CES5A: variants seen among roughly 807,000 people sequenced by gnomAD.
The protein encoded by CES5A is carboxylesterase 5.
Under a neutral mutation model 62.9 loss-of-function variants are expected in CES5A, and 67 were observed. The observed-to-expected ratio is 1.07, with a 90% CI of 0.88 to 1.31. The LOEUF (loss-of-function observed/expected upper bound fraction) is 1.31, where lower values mean the gene tolerates loss of function less well. CES5A is among the 50% of genes most tolerant of loss of function. CES5A has a pLI of 0.00. For synonymous variants in CES5A, 296 were observed against 280.8 expected, an observed-to-expected ratio of 1.05 and a Z score of -0.54; for missense variants, 748 against 708.5, an observed-to-expected ratio of 1.06 and a Z score of -0.63.
chr16:55,896,370 T>C (rs2033934379), intron 1 of CES5A, among the ~76,000 whole-genome samples: 1 of 152,156 alleles, frequency 6.6e-6, no homozygotes, highest in Admixed American at 6.6e-5. Flanking sequence ...ATATCATTTC[T>C]CTCTTGCTTC....
At position 55,888,187 on chromosome 16, in the gene CES5A, C is replaced by T. The variant is rs902890072; in HGVS notation, c.-255-14150G>A. Among the ~76,000 whole-genome samples the T allele has an allele frequency of 9.9e-5, 15 of 152,178 alleles. No homozygotes were observed. The South Asian group carries it at 3.1e-3, about 32-fold the overall frequency. On this transcript the variant is annotated intron_variant, in intron 1 of 12. Transcript: ENST00000518005. ...TATCTCTGGTGTTCCACATCTCGTC[C>T]TCTCTGCCCACCACTGATTTCAGCT...
intron 1 of CES5A, among the ~76,000 whole-genome samples, chr16:55,892,643 A>G (rs2033892410): frequency 6.6e-6 from 1 of 152,104 alleles, no homozygotes; most frequent in South Asian, 2.1e-4. Flanking sequence ...ATAAGTGCTT[A>G]TAAGAGCACT....
rs1174642455 is a variant in CES5A, at chr16:55,856,415, TG to T, written c.1086del (p.Asn363ThrfsTer8). On this transcript the variant is annotated frameshift_variant, in exon 9 of 13. Transcript: ENST00000290567. LOFTEE classifies it high-confidence loss of function. ...MKEAPEILSGSNKSLALHLIQ... is the reference protein window; with the variant it reads ...MKEAPEILSGXNKSLALHLIQ... ...ATCAGATGGAGGGCAAGGGACTTGTTGGAGCCACTGAGGATCTCAGGAGCCT... is the reference window on the plus strand; with the variant it reads ...ATCAGATGGAGGGCAAGGGACTTGTTGAGCCACTGAGGATCTCAGGAGCCT... The T allele has an allele frequency of 1.2e-6, 2 of 1,614,014 alleles. No individual in the cohort carries two copies. Among genetic ancestry groups the T allele is most frequent in the Non-Finnish European group, 1.7e-6 (2 of 1,180,004 alleles).
chr16:55,859,658 A>G lies in CES5A; in HGVS notation c.945T>C (p.Asp315=), dbSNP rs777339189. 1 of 1,612,192 alleles carries G rather than the reference A, an allele frequency of 6.2e-7. No individual in the cohort carries two copies. The highest frequency in any genetic ancestry group is 1.3e-5 in the African/African-American group (1 of 74,808). Residue 315 remains aspartate (D), a synonymous_variant, in exon 8 of 13, where the codon GAT becomes GAC. Coordinates refer to ENST00000290567, the MANE Select transcript of CES5A (RefSeq NM_001143685.2). ...QKTKSFTRVV[D]GAFFPNEPLD... is the part of the protein sequence containing the mutation. ...GAGGCTCATTAGGAAAGAAAGCACCATCAACCACTCGAGTGAAAGACTTTG... is the reference window on the plus strand; with the variant it reads ...GAGGCTCATTAGGAAAGAAAGCACCGTCAACCACTCGAGTGAAAGACTTTG...
rs142782650 is a variant in CES5A, at chr16:55,869,637, G to T, written c.525C>A (p.Tyr175Ter). The change falls in exon 4 of 13, where the codon TAC (tyrosine) becomes TAA (stop). Residue 175 changes from tyrosine to a stop codon, truncating the protein, a stop_gained. Coordinates refer to ENST00000290567, the MANE Select transcript of CES5A (RefSeq NM_001143685.2). LOFTEE classifies it high-confidence loss of function. ...TGAAGAAACCAAATATTCCTAGCCG[G>T]TACTGGACGACCACAACCAGCACGT... ...YEDVLVVVVQ[Y>*]RLGIFGFFTT... 2.5e-6 allele frequency: 4 copies of T among 1,613,882 alleles called. No homozygotes were observed. The Admixed American group carries it at 5.0e-5, about 20-fold the overall frequency.
chr16:55,904,198 T>C (rs2034017439), intron 1 of CES5A, among the ~76,000 whole-genome samples: 1 of 152,236 alleles, frequency 6.6e-6, no homozygotes, highest in Non-Finnish European at 1.5e-5. Context: ...TCTGTAGAGA[T>C]GAAGAATTGG....
intron 4 of CES5A, 185 bp downstream of exon 4, chr16:55,869,426 T>A (rs1256104169): frequency 3.5e-6 from 4 of 1,129,002 alleles, no homozygotes; most frequent in Admixed American, 3.6e-5. Context: ...AGATTTTTAT[T>A]GTTTCAAGCC....
chr16:55,879,105 C>T (rs1311348851), upstream of CES5A, among the ~76,000 whole-genome samples: 1 of 146,644 alleles, frequency 6.8e-6, no homozygotes, highest in East Asian at 2.1e-4. Flanking sequence ...CTGTACCCTA[C>T]CACTGCACCC....
intron 1 of CES5A, among the ~76,000 whole-genome samples, chr16:55,887,511 G>C (rs753552556): frequency 7.2e-5 from 11 of 152,072 alleles, no homozygotes; most frequent in Non-Finnish European, 1.2e-4. Context: ...CAAGGTCTCA[G>C]ATCCATCAGG....
rs138640157 is a variant in CES5A, at chr16:55,859,591, T to C, written c.1012A>G (p.Ile338Val). 4 of 1,613,826 alleles carry C rather than the reference T, an allele frequency of 2.5e-6. No homozygotes were observed. The South Asian group carries it at 3.3e-5, about 13-fold the overall frequency. Reference protein sequence around the residue: ...SQKAFKAIPSIIGVNNHECGF... With the variant: ...SQKAFKAIPSVIGVNNHECGF... ...CACTCGTGGTTATTGACTCCGATGA[T>C]GGAAGGAATTGCTTTAAATGCTTTC... Residue 338 changes from isoleucine to valine, a missense_variant, in exon 8 of 13, where the codon ATC (isoleucine) becomes GTC (valine). Coordinates refer to ENST00000290567, the MANE Select transcript of CES5A (RefSeq NM_001143685.2).
At chr16:55,920,520 C>A (rs574212169) in intron 1 of CES5A, among the ~76,000 whole-genome samples, 3 of 152,194 alleles carry the variant, frequency 2.0e-5, no homozygotes, top group Non-Finnish European at 4.4e-5. Context: ...GAGACCCCCC[C>A]ATTCAGAAAG....
chr16:55,943,245 T>G (rs1405097660), intron 2 of CES5A, among the ~76,000 whole-genome samples: 1 of 152,224 alleles, frequency 6.6e-6, no homozygotes, highest in Non-Finnish European at 1.5e-5. Flanking sequence ...CATTCCCCTA[T>G]TCCCTCCATG....
At chr16:55,855,906 G>T (rs745878791) in intron 9 of CES5A, among the ~76,000 whole-genome samples, 2 of 152,160 alleles carry the variant, frequency 1.3e-5, no homozygotes, top group Non-Finnish European at 2.9e-5. Context: ...GAGGTGATTG[G>T]ATCGTAGGGG....
intron 2 of CES5A, 88 bp from the exon 3 acceptor site, chr16:55,871,851 T>G (rs2033596371): frequency 7.0e-7 from 1 of 1,420,288 alleles, no homozygotes; most frequent in Non-Finnish European, 9.7e-7. Context: ...CGGGGAGGCC[T>G]GGCCGTCTCC....
At chr16:55,865,138 G>A (rs1377832710) in intron 5 of CES5A, among the ~76,000 whole-genome samples, 5 of 152,110 alleles carry the variant, frequency 3.3e-5, no homozygotes, top group Non-Finnish European at 5.9e-5. Flanking sequence ...CCCAGGAGGC[G>A]GAGGTTCTGG....
chr16:55,874,092 G>A lies in CES5A; in HGVS notation c.74-55C>T, dbSNP rs2033652824. On this transcript the variant is annotated intron_variant, in intron 1 of 12. Coordinates refer to ENST00000290567, the MANE Select transcript of CES5A (RefSeq NM_001143685.2). ...CAGGCTGGGGACAGGCAGGGCAATG[G>A]CCCACCCAGTCTGGAGCTCCCCAGT... The A allele has an allele frequency of 2.7e-6, 4 of 1,490,042 alleles. No individual in the cohort carries two copies. The South Asian group carries it at 4.8e-5, about 18-fold the overall frequency. 92.3% of individuals were successfully genotyped at this position (1,490,042 alleles called of 1,614,324 possible). A position where few individuals can be genotyped will look rare whatever the true frequency, so the allele number is the denominator to read the frequency against.
intron 10 of CES5A, among the ~76,000 whole-genome samples, chr16:55,852,459 G>A (rs1170838261): frequency 1.3e-5 from 2 of 152,188 alleles, no homozygotes; most frequent in African/African-American, 4.8e-5. Flanking sequence ...ATGTTATGGG[G>A]TGGAGTATTT....
At chr16:55,903,320 A>G (rs1327107983) in intron 1 of CES5A, among the ~76,000 whole-genome samples, 7 of 152,262 alleles carry the variant, frequency 4.6e-5, no homozygotes, top group Non-Finnish European at 7.3e-5. Flanking sequence ...AGCACAGTGC[A>G]TGAAACCAGA....
chr16:55,861,553 T>C, intron 6 of CES5A, 37 bp from the exon 7 acceptor site: 1 of 1,441,260 alleles, frequency 6.9e-7, no homozygotes, highest in Non-Finnish European at 9.8e-7. Context: ...GAGCATGATA[T>C]TGAAAGCATC....
Sources: gnomAD v4.1 joint callset for allele counts (sites outside exome capture counted in the v4.1 genomes callset) on GRCh38, gnomAD v4.1.1 for gene constraint, MANE v1.5 for transcripts, NCBI Gene and HGNC (gene_info 2026-07-23, HGNC 2026-07-21) for gene names.